Variants in FNBP1 observed in about 807,000 individuals in gnomAD.
The protein encoded by FNBP1 is formin binding protein 1.
Under a neutral mutation model 90.6 loss-of-function variants are expected in FNBP1, and 26 were observed. The observed-to-expected ratio is 0.29, with a 90% confidence interval of 0.21 to 0.40. The LOEUF (loss-of-function observed/expected upper bound fraction) is 0.40, where lower values mean the gene tolerates loss of function less well. Ranked by LOEUF, FNBP1 falls within the 10% of genes least tolerant of loss-of-function variation. FNBP1 has a pLI of 1.00. For missense variants in FNBP1, 635 were observed against 768.0 expected, an observed-to-expected ratio of 0.83 and a Z score of 2.05; for synonymous variants, 260 against 265.2, an observed-to-expected ratio of 0.98 and a Z score of 0.19.
Position 129,916,340 on chromosome 9 carries a change from G to A in FNBP1, c.1171-360C>T, listed in dbSNP as rs146342206. On this transcript the variant is annotated intron_variant, in intron 10 of 16. Coordinates refer to ENST00000446176, the MANE Select transcript of FNBP1 (RefSeq NM_015033.3). Reference sequence around the variant, plus strand: ...ACTATAAAAGAAAAAATACAGGGCCGGGTGCAGTGGCTCACACCTGTAATC... The same window carrying A: ...ACTATAAAAGAAAAAATACAGGGCCAGGTGCAGTGGCTCACACCTGTAATC... 5 of 189,960 alleles carry A rather than the reference G, an allele frequency of 2.6e-5. No individual in the cohort carries two copies. The East Asian group carries it at 5.7e-4, about 22-fold the overall frequency. The allele number at this position is 189,960 out of a possible 1,614,324, so 11.8% of individuals were successfully genotyped here.
chr9:129,922,025 C>A lies in FNBP1; in HGVS notation c.1170+1819G>T, dbSNP rs140187781. Among the ~76,000 whole-genome samples, 19 of 151,434 alleles carry A rather than the reference C, an allele frequency of 1.3e-4. No homozygotes were observed. The East Asian group carries it at 3.7e-3, about 30-fold the overall frequency. ...TATGTTTGTACAAGAAAGCATTCCA[C>A]TACAACTGTATTGCAACTCCCACAG... On this transcript the variant is annotated intron_variant, in intron 10 of 16. Coordinates refer to ENST00000446176, the MANE Select transcript of FNBP1 (RefSeq NM_015033.3).
At chr9:129,916,047 A>G in intron 10 of FNBP1, 67 bp from the exon 11 acceptor site, 1 of 1,144,274 alleles carries the variant, frequency 8.7e-7, no homozygotes, top group South Asian at 1.3e-5. Flanking sequence ...AGAAAAAAAA[A>G]CAACAACACA....
intron 11 of FNBP1, chr9:129,914,889 T>C (rs1177106679): frequency 4.2e-6 from 2 of 471,546 alleles, no homozygotes; most frequent in Non-Finnish European, 8.8e-6. Context: ...CTGTCCATTA[T>C]TTTAGGATAT....
At chr9:129,955,569 G>A (rs2046805443) in intron 6 of FNBP1, among the ~76,000 whole-genome samples, 1 of 151,244 alleles carries the variant, frequency 6.6e-6, no homozygotes, top group South Asian at 2.1e-4. Context: ...TTTAGAGACA[G>A]GGTCATTAGC....
chr9:129,895,481 C>T (rs761913526), intron 16 of FNBP1: 99 of 1,156,544 alleles, frequency 8.6e-5, no homozygotes, highest in Non-Finnish European at 9.9e-5. Context: ...TGATGCGTGC[C>T]GGCTTTTAAA....
chr9:129,917,255 G>A lies in FNBP1; in HGVS notation c.1171-1275C>T, dbSNP rs144926996. On this transcript the variant is annotated intron_variant, in intron 10 of 16. Transcript: ENST00000446176. ...TCTTGAACTCCTGACCTCGTGATCC[G>A]CCCGCCTCCCAAAGTGCTGGGATTA... 5.1e-3 allele frequency among the ~76,000 whole-genome samples: 774 copies of A among 151,818 alleles called. 21 individuals carry two copies. The highest frequency in any genetic ancestry group is 0.044 in the East Asian group (224 of 5,144).
At chr9:130,046,071 G>A (rs1216471097), upstream of FNBP1, among the ~76,000 whole-genome samples, 1 of 152,250 alleles carries the variant, frequency 6.6e-6, no homozygotes, top group East Asian at 1.9e-4. Flanking sequence ...ATCTTGGTGT[G>A]ATATTACAAA....
intron 4 of FNBP1, among the ~76,000 whole-genome samples, chr9:129,960,698 C>CT (rs1283509272): frequency 6.6e-6 from 1 of 151,882 alleles, no homozygotes; most frequent in Non-Finnish European, 1.5e-5. Flanking sequence ...ATGAGTAACT[C>CT]TAAGATGTTG....
chr9:130,000,476 G>A (rs1404328472), intron 1 of FNBP1, among the ~76,000 whole-genome samples: 1 of 152,058 alleles, frequency 6.6e-6, no homozygotes, highest in Non-Finnish European at 1.5e-5. Context: ...TCTAGCCTGG[G>A]TGATGGAGCG....
chr9:129,965,700 G>GCA (rs1157931867), intron 4 of FNBP1, among the ~76,000 whole-genome samples: 9 of 93,708 alleles, frequency 9.6e-5, no homozygotes, highest in South Asian at 4.2e-4. Context: ...ACACACACGC[G>GCA]CGCGCGCGCA....
At chr9:129,930,255 G>A (rs1391273686) in intron 6 of FNBP1, among the ~76,000 whole-genome samples, 1 of 151,796 alleles carries the variant, frequency 6.6e-6, no homozygotes, top group East Asian at 1.9e-4. Context: ...TAGATAGGAG[G>A]TCTCACCACA....
chr9:129,898,600 C>T (rs887498267), intron 15 of FNBP1, among the ~76,000 whole-genome samples: 4 of 152,034 alleles, frequency 2.6e-5, no homozygotes, highest in Non-Finnish European at 5.9e-5. Flanking sequence ...AGTGAGTCTC[C>T]TGCTTCAGCC....
chr9:129,932,921 C>T (rs1293613178), intron 6 of FNBP1, among the ~76,000 whole-genome samples: 1 of 152,106 alleles, frequency 6.6e-6, no homozygotes, highest in Non-Finnish European at 1.5e-5. Flanking sequence ...GCCCTATTAA[C>T]TCTTCAGCTG....
intron 11 of FNBP1, 117 bp downstream of exon 11, chr9:129,915,849 A>T: frequency 8.3e-6 from 6 of 726,106 alleles, no homozygotes; most frequent in Non-Finnish European, 1.2e-5. Context: ...AAGCACACGT[A>T]AGAGAAACAC....
intron 10 of FNBP1, among the ~76,000 whole-genome samples, chr9:129,918,604 T>C (rs1382790713): frequency 6.6e-6 from 1 of 152,218 alleles, no homozygotes; most frequent in African/African-American, 2.4e-5. Context: ...AAAATCATTT[T>C]ACTGTGCTAG....
intron 5 of FNBP1, among the ~76,000 whole-genome samples, chr9:129,958,102 C>A (rs2047217197): frequency 6.6e-6 from 1 of 152,076 alleles, no homozygotes; most frequent in Non-Finnish European, 1.5e-5. Context: ...CTGATTGACT[C>A]AAGCTTAAAT....
At chr9:129,938,696 A>G (rs1051835293) in intron 6 of FNBP1, among the ~76,000 whole-genome samples, 1 of 152,186 alleles carries the variant, frequency 6.6e-6, no homozygotes, top group Non-Finnish European at 1.5e-5. Flanking sequence ...AGTTTTAAGA[A>G]AAGGTCTTCT....
At chr9:129,948,947 A>AT (rs199990553) in intron 6 of FNBP1, among the ~76,000 whole-genome samples, 4 of 151,098 alleles carry the variant, frequency 2.6e-5, no homozygotes, top group Admixed American at 6.6e-5. Flanking sequence ...GTTTTAATTA[A>AT]TTTTTTTTTA....
chr9:129,957,498 A>C lies in FNBP1; in HGVS notation c.409-34T>G, dbSNP rs758571772. The C allele has an allele frequency of 1.4e-6, 2 of 1,450,898 alleles. No homozygotes were observed. Among genetic ancestry groups the C allele is most frequent in the African/African-American group, 2.8e-5 (2 of 71,728 alleles). 89.9% of individuals were successfully genotyped at this position (1,450,898 alleles called of 1,614,324 possible). A position where few individuals can be genotyped will look rare whatever the true frequency, so the allele number is the denominator to read the frequency against. ...AGAGGAAAATAATTATGAAACCATA[A>C]GAGTCCTACGAGAAGATGTAATTTT... On this transcript the variant is annotated intron_variant, in intron 5 of 16. Coordinates refer to ENST00000446176, the MANE Select transcript of FNBP1 (RefSeq NM_015033.3). This position sits in a 1 kb window ranked among gnomAD's most constrained non-coding sequence, Gnocchi z 4.3.
Sources: gnomAD v4.1 joint callset for allele counts (sites outside exome capture counted in the v4.1 genomes callset) on GRCh38, gnomAD v4.1.1 for gene constraint, Gnocchi (gnomAD v3.1) non-coding constraint, MANE v1.5 for transcripts, NCBI Gene and HGNC (gene_info 2026-07-23, HGNC 2026-07-21) for gene names.